Variants in GPR157 observed in about 807,000 individuals in gnomAD.
GPR157 encodes G-protein coupled receptor 157.
GPR157 carries 16 observed loss-of-function variants against 23.5 expected under a neutral mutation model. That is an observed-to-expected ratio of 0.68 (90% CI 0.46 to 1.04). GPR157 has a LOEUF of 1.04. GPR157 is among the 50% of genes least tolerant of loss of function. GPR157 has a pLI of 0.00. For synonymous variants in GPR157, 200 were observed against 221.5 expected (o/e 0.90, Z 0.86); for missense variants, 440 against 460.7 (o/e 0.96, Z 0.41).
At chr1:9,112,597 C>T (rs1175745628) in intron 1 of GPR157, among the ~76,000 whole-genome samples, 2 of 152,304 alleles carry the variant, frequency 1.3e-5, no homozygotes, top group South Asian at 4.1e-4. Flanking sequence ...AGATTACAGG[C>T]GTGCACCACC....
chr1:9,124,662 A>T (rs1638926873), intron 1 of GPR157, among the ~76,000 whole-genome samples: 1 of 152,094 alleles, frequency 6.6e-6, no homozygotes, highest in Non-Finnish European at 1.5e-5. Flanking sequence ...TTCTGGTCTA[A>T]CTGGTTGTCT....
intron 2 of GPR157, among the ~76,000 whole-genome samples, chr1:9,110,964 A>C (rs1638474822): frequency 6.6e-6 from 1 of 152,196 alleles, no homozygotes; most frequent in Non-Finnish European, 1.5e-5. Context: ...ATGACCAAGG[A>C]CACAGCAGCC....
chr1:9,121,730 C>T (rs932146065), intron 1 of GPR157, among the ~76,000 whole-genome samples: 3 of 152,188 alleles, frequency 2.0e-5, no homozygotes, highest in African/African-American at 7.2e-5. Flanking sequence ...TGGGACTTCC[C>T]ACTGCCCCCA....
intron 1 of GPR157, among the ~76,000 whole-genome samples, chr1:9,119,971 C>T (rs981385691): frequency 5.3e-5 from 8 of 152,182 alleles, no homozygotes; most frequent in Admixed American, 3.9e-4. Context: ...TCTCGGTTTC[C>T]CTGCCCTTCA....
intron 1 of GPR157, among the ~76,000 whole-genome samples, chr1:9,124,880 C>CA (rs1638931448): frequency 1.3e-5 from 2 of 152,142 alleles, no homozygotes; most frequent in East Asian, 3.8e-4. Context: ...TAAAGAATTA[C>CA]TTCATCACCA....
chr1:9,117,218 A>G (rs1465148295), intron 1 of GPR157, among the ~76,000 whole-genome samples: 1 of 152,136 alleles, frequency 6.6e-6, no homozygotes, highest in African/African-American at 2.4e-5. Flanking sequence ...AAAATGGAAC[A>G]ATCGGGTCTC....
chr1:9,116,760 G>A (rs2124520499), intron 1 of GPR157, among the ~76,000 whole-genome samples: 1 of 150,272 alleles, frequency 6.7e-6, no homozygotes, highest in East Asian at 2.0e-4. Context: ...TATTATTTTA[G>A]AGACAGGGTC....
chr1:9,128,495 G>A lies in GPR157; in HGVS notation c.383+150C>T. 1.3e-6 allele frequency: 1 copy of A among 764,714 alleles called. No homozygotes were observed. The highest frequency in any genetic ancestry group is 1.6e-5 in the South Asian group (1 of 62,640). The allele number at this position is 764,714 out of a possible 1,614,324, so 47.4% of individuals were successfully genotyped here. A position where few individuals can be genotyped will look rare whatever the true frequency, so the allele number is the denominator to read the frequency against. On this transcript the variant is annotated intron_variant, in intron 1 of 3. Coordinates refer to ENST00000377411, the MANE Select transcript of GPR157 (RefSeq NM_024980.5). This position sits in a 1 kb window ranked among gnomAD's most constrained non-coding sequence, Gnocchi z 6.3. ...TCTCGGGCAAGGCTGGCCTCCTCCC[G>A]CTGGCCCAGGACAGCCTCGGGGGCG...
intron 1 of GPR157, among the ~76,000 whole-genome samples, chr1:9,123,546 AATTTAAATATAT>A (rs1459916562): frequency 2.6e-4 from 4 of 15,168 alleles, no homozygotes; most frequent in South Asian, 1.6e-3. Flanking sequence ...AAATATATCT[AATTTAAATATAT>A]ATTTAAATAT....
In GPR157 at chr1:9,120,648, C is replaced by T. The variant is rs952792798; in HGVS notation, c.383+7997G>A. Among the ~76,000 whole-genome samples, 3 of 152,150 alleles carry T rather than the reference C, an allele frequency of 2.0e-5. No individual in the cohort carries two copies. The highest frequency in any genetic ancestry group is 4.4e-5 in the Non-Finnish European group (3 of 68,030). ...AGGCTACCACGAGGTCACTCTGCAG[C>T]TTTAACTGCAGAAGGGGAGAGGAAT... is the stretch of plus-strand genomic sequence containing the variant. On this transcript the variant is annotated intron_variant, in intron 1 of 3. Coordinates refer to ENST00000377411, the MANE Select transcript of GPR157 (RefSeq NM_024980.5). The surrounding 1 kb of genome is among the most constrained non-coding windows in gnomAD (Gnocchi z 4.1).
chr1:9,115,061 T>TAG (rs958148297), intron 1 of GPR157, among the ~76,000 whole-genome samples: 9 of 149,758 alleles, frequency 6.0e-5, no homozygotes, highest in African/African-American at 2.2e-4. Context: ...AGGTAAGAGG[T>TAG]AGAATCAGGG....
intron 2 of GPR157, among the ~76,000 whole-genome samples, chr1:9,106,061 A>G (rs1638312789): frequency 6.6e-6 from 1 of 152,128 alleles, no homozygotes; most frequent in Non-Finnish European, 1.5e-5. Context: ...CAAGTCCTGC[A>G]GCCCTCTTTT....
At chr1:9,107,992 T>TGAGGTGGAAGTTGCAGTGAGCCA (rs70985586) in intron 2 of GPR157, among the ~76,000 whole-genome samples, 34 of 151,988 alleles carry the variant, frequency 2.2e-4, no homozygotes, top group Non-Finnish European at 4.1e-4. Flanking sequence ...CTCAGGAGAC[T>TGAGGTGGAAGTTGCAGTGAGCCA]GAGGTGGAAG....
chr1:9,114,239 G>T (rs902498535), intron 1 of GPR157, among the ~76,000 whole-genome samples: 1 of 145,140 alleles, frequency 6.9e-6, no homozygotes, highest in African/African-American at 2.6e-5. Flanking sequence ...TGAGGCGGGA[G>T]AATCCCCTGA....
chr1:9,115,475 T>C (rs1638615715), intron 1 of GPR157, among the ~76,000 whole-genome samples: 1 of 152,116 alleles, frequency 6.6e-6, no homozygotes, highest in African/African-American at 2.4e-5. Context: ...TTCATTTCCC[T>C]TAACGGGATG....
chr1:9,119,879 C>T (rs529781740), intron 1 of GPR157, among the ~76,000 whole-genome samples: 4 of 152,286 alleles, frequency 2.6e-5, no homozygotes, highest in Non-Finnish European at 4.4e-5. Flanking sequence ...AAACCATCTG[C>T]GAGACCTGAA....
At position 9,110,794 on chromosome 1, in the gene GPR157, A is replaced by G. The variant is rs548678748; in HGVS notation, c.597+482T>C. Among the ~76,000 whole-genome samples the G allele has an allele frequency of 7.6e-4, 116 of 152,338 alleles. 2 individuals are homozygous for G. Among genetic ancestry groups the G allele is most frequent in the African/African-American group, 2.6e-3 (107 of 41,584 alleles). ...GCCATTTAGGATATAATAAATCACT[A>G]GGAAAAGTTAGGTGAGTTATTTGCG... On this transcript the variant is annotated intron_variant, in intron 2 of 3. Transcript: ENST00000377411.
At chr1:9,110,999 C>A (rs971450185) in intron 2 of GPR157, among the ~76,000 whole-genome samples, 1 of 152,200 alleles carries the variant, frequency 6.6e-6, no homozygotes, top group Non-Finnish European at 1.5e-5. Context: ...CCTGTGCCCC[C>A]ACAGGCCCTT....
chr1:9,108,547 C>A (rs1638402375), intron 2 of GPR157, among the ~76,000 whole-genome samples: 3 of 152,226 alleles, frequency 2.0e-5, no homozygotes, highest in Admixed American at 1.3e-4. Flanking sequence ...GTCCCGGAAA[C>A]TTTCCAGGGC....
Sources: allele counts gnomAD v4.1 joint callset (sites outside exome capture counted in the v4.1 genomes callset), GRCh38; gene constraint gnomAD v4.1.1; non-coding constraint Gnocchi (gnomAD v3.1); transcripts MANE v1.5; gene names NCBI Gene and HGNC (gene_info 2026-07-23, HGNC 2026-07-21).